The following SCLT1 variants were observed in gnomAD, a reference collection of about 807,000 sequenced individuals.
SCLT1 encodes the protein sodium channel-associated protein 1.
SCLT1 carries 78 observed loss-of-function variants against 112.8 expected under a neutral mutation model. The observed-to-expected ratio is 0.69, with a 90% CI of 0.58 to 0.83. The LOEUF (loss-of-function observed/expected upper bound fraction) is 0.83. Among genes scored for constraint, SCLT1 ranks in the 40% least tolerant of loss-of-function variants. The pLI is 0.00. For missense variants in SCLT1, 747 were observed against 770.4 expected, an observed-to-expected ratio of 0.97 and a Z score of 0.36; for synonymous variants, 257 against 254.7, an observed-to-expected ratio of 1.01 and a Z score of -0.09.
At chr4:129,006,021 T>G (rs1402083657) in intron 5 of SCLT1, among the ~76,000 whole-genome samples, 4 of 60,694 alleles carry the variant, frequency 6.6e-5, no homozygotes, top group African/African-American at 2.8e-4. Context: ...TGTTGTGGGG[T>G]GGGGGGAGGG....
At chr4:128,878,525 T>C (rs1255548196) in intron 3 of SCLT1, among the ~76,000 whole-genome samples, 1 of 152,186 alleles carries the variant, frequency 6.6e-6, no homozygotes, top group East Asian at 1.9e-4. Context: ...TTGGAGCTTC[T>C]CTTTTTTATA....
intron 15 of SCLT1, among the ~76,000 whole-genome samples, chr4:128,946,876 T>TGGAA (rs1281163087): frequency 2.8e-4 from 42 of 152,184 alleles, no homozygotes; most frequent in Middle Eastern, 3.2e-3. Context: ...GTACCTAAGC[T>TGGAA]CAGCTTTCCA....
chr4:129,062,747 G>A lies in SCLT1; in HGVS notation c.103-18696C>T, dbSNP rs986379622. On this transcript the variant is annotated intron_variant, in intron 2 of 20. Transcript: ENST00000281142. Reference sequence around the variant, plus strand: ...TCCTGATCTGTAAGGTATCTGTTGAGAAATCCATTGATTGCCTACGGAAGT... The same window carrying A: ...TCCTGATCTGTAAGGTATCTGTTGAAAAATCCATTGATTGCCTACGGAAGT... Among the ~76,000 whole-genome samples, 3 of 152,206 alleles carry A rather than the reference G, an allele frequency of 2.0e-5. No individual in the cohort carries two copies. In the East Asian group the frequency reaches 5.8e-4, roughly 29 times the overall value.
At chr4:129,081,689 C>A (rs1353757421) in intron 2 of SCLT1, among the ~76,000 whole-genome samples, 4 of 152,228 alleles carry the variant, frequency 2.6e-5, no homozygotes, top group African/African-American at 9.6e-5. Flanking sequence ...TCCTCCAACA[C>A]TGGAGATTAC....
chr4:129,074,946 C>T (rs1204782891), intron 2 of SCLT1, among the ~76,000 whole-genome samples: 2 of 152,182 alleles, frequency 1.3e-5, no homozygotes, highest in Non-Finnish European at 2.9e-5. Context: ...AATGATCCTC[C>T]TGCCACAGCC....
At chr4:128,952,179 CAG>C (rs1738812499) in intron 14 of SCLT1, among the ~76,000 whole-genome samples, 3 of 152,056 alleles carry the variant, frequency 2.0e-5, no homozygotes, top group African/African-American at 4.8e-5. Context: ...AATTTTGTAA[CAG>C]AGATAAAAAG....
chr4:128,889,343 A>G lies in SCLT1; in HGVS notation c.1909-569T>C, dbSNP rs75001569. Among the ~76,000 whole-genome samples, 670 of 152,294 alleles carry G rather than the reference A, an allele frequency of 4.4e-3. 5 individuals are homozygous for G. The highest frequency in any genetic ancestry group is 7.4e-3 in the Non-Finnish European group (502 of 68,010). ...AATCCATATGACTGGTGTCTTCATA[A>G]AAGGGGAAATTTGGACACAGAGACA... On this transcript the variant is annotated intron_variant, in intron 19 of 20. Transcript: ENST00000281142.
chr4:129,091,961 C>G (rs1002483766), intron 1 of SCLT1, among the ~76,000 whole-genome samples: 3 of 152,180 alleles, frequency 2.0e-5, no homozygotes, highest in Admixed American at 6.5e-5. Flanking sequence ...GTTGCTCAAG[C>G]AAAAACTAAG....
chr4:129,054,096 T>C (rs1263058479), intron 2 of SCLT1, among the ~76,000 whole-genome samples: 2 of 152,228 alleles, frequency 1.3e-5, no homozygotes, highest in Non-Finnish European at 2.9e-5. Flanking sequence ...TTCTGGCTTC[T>C]AGCGTTTCTG....
intron 5 of SCLT1, among the ~76,000 whole-genome samples, chr4:129,011,053 G>A (rs1410892802): frequency 6.6e-6 from 1 of 152,160 alleles, no homozygotes; most frequent in Non-Finnish European, 1.5e-5. Context: ...CTGGCTGTGA[G>A]TTTTTCATAG....
At chr4:128,907,622 T>C (rs13110855) in intron 18 of SCLT1, among the ~76,000 whole-genome samples, 6 of 152,088 alleles carry the variant, frequency 3.9e-5, no homozygotes, top group Non-Finnish European at 7.4e-5. Flanking sequence ...ATGAAAATAC[T>C]CAGTAGAGAG....
At chr4:129,025,875 A>C (rs1245921971) in intron 5 of SCLT1, among the ~76,000 whole-genome samples, 4 of 152,042 alleles carry the variant, frequency 2.6e-5, no homozygotes, top group East Asian at 3.9e-4. Flanking sequence ...CAAATGGAAA[A>C]CAAAAAAAGG....
chr4:128,933,016 G>A (rs539666934), intron 18 of SCLT1, among the ~76,000 whole-genome samples: 1 of 152,162 alleles, frequency 6.6e-6, no homozygotes, highest in South Asian at 2.1e-4. Context: ...TCACAATGTC[G>A]ATACTATTCA....
intron 2 of SCLT1, among the ~76,000 whole-genome samples, chr4:129,058,642 T>C (rs1375677113): frequency 2.6e-5 from 4 of 152,170 alleles, no homozygotes; most frequent in Non-Finnish European, 4.4e-5. Context: ...TGATATCTCA[T>C]GGAGAATGTT....
chr4:129,084,126 G>T (rs1752192433), intron 1 of SCLT1, among the ~76,000 whole-genome samples: 2 of 152,062 alleles, frequency 1.3e-5, no homozygotes, highest in Admixed American at 1.3e-4. Context: ...CTTGAATTAG[G>T]AATCACATAA....
At chr4:128,873,456 T>G (rs1356582086) in intron 5 of SCLT1, 1 of 152,616 alleles carries the variant, frequency 6.6e-6, no homozygotes, top group Non-Finnish European at 1.5e-5. Flanking sequence ...AACTCTAATT[T>G]GTAACTTGGA....
intron 2 of SCLT1, among the ~76,000 whole-genome samples, chr4:129,081,851 T>C (rs146326905): frequency 1.5e-3 from 224 of 152,350 alleles, no homozygotes; most frequent in African/African-American, 5.1e-3. Flanking sequence ...TAATATTCTG[T>C]AATGCAAGGT....
chr4:128,891,225 A>G (rs1181822449), intron 18 of SCLT1, 88 bp from the exon 19 acceptor site: 4 of 957,138 alleles, frequency 4.2e-6, no homozygotes, highest in Non-Finnish European at 6.6e-6. Context: ...TCATGATTTG[A>G]ACAAAAATAT....
At chr4:128,934,892 C>T (rs1579424233) in intron 18 of SCLT1, among the ~76,000 whole-genome samples, 1 of 151,672 alleles carries the variant, frequency 6.6e-6, no homozygotes, top group East Asian at 1.9e-4. Context: ...TGTCAGTCTT[C>T]AAAAGAATGT....
Sources: gnomAD v4.1 joint callset for allele counts (sites outside exome capture counted in the v4.1 genomes callset) on GRCh38, gnomAD v4.1.1 for gene constraint, MANE v1.5 for transcripts, NCBI Gene and HGNC (gene_info 2026-07-23, HGNC 2026-07-21) for gene names.